Variants in ANKEF1 observed in about 807,000 individuals in gnomAD.
ANKEF1 encodes ankyrin repeat and EF-hand domain containing 1, also known as ankyrin repeat and EF-hand domain-containing protein 1.
Under a neutral mutation model 65.1 loss-of-function variants are expected in ANKEF1, and 43 were observed. The observed-to-expected ratio is 0.66, with a 90% CI of 0.52 to 0.85. The LOEUF (loss-of-function observed/expected upper bound fraction) is 0.85. Ranked by LOEUF, ANKEF1 falls within the 40% of genes least tolerant of loss-of-function variation. The probability of loss-of-function intolerance (pLI) is 0.00; values close to 1 mark genes in which losing one functional copy is unlikely to be tolerated. For synonymous variants in ANKEF1, 316 were observed against 341.5 expected, an observed-to-expected ratio of 0.93 and a Z score of 0.82; for missense variants, 934 against 952.9, an observed-to-expected ratio of 0.98 and a Z score of 0.26.
rs1985162696 is a variant in ANKEF1 at position 10,056,484 on chromosome 20, TAGATAGATAGATGATAGATAGATA to T, written c.*825_*848del. On this transcript the variant is annotated 3_prime_UTR_variant, in exon 11 of 11. Transcript: ENST00000378392. ...AGATGATAGATAGATAGATGATAGA[TAGATAGATAGATGATAGATAGATA>T]GATAGATAGATAGATAGATAGATAG... The T allele has an allele frequency of 4.4e-5, 6 of 135,106 alleles. No homozygotes were observed. Among genetic ancestry groups the T allele is most frequent in the African/African-American group, 1.7e-4 (6 of 35,756 alleles). The allele number at this position is 135,106 out of a possible 1,614,324, so 8.4% of individuals were successfully genotyped here. A position where few individuals can be genotyped will look rare whatever the true frequency, so the allele number is the denominator to read the frequency against.
At chr20:10,046,136 G>T (rs1442829820) in intron 6 of ANKEF1, among the ~76,000 whole-genome samples, 1 of 152,088 alleles carries the variant, frequency 6.6e-6, no homozygotes, top group Non-Finnish European at 1.5e-5. Context: ...TTAGCCAGGG[G>T]TGGTGACGGC....
chr20:10,044,632 T>TA (rs1424932244), intron 5 of ANKEF1, 89 bp downstream of exon 5: 30 of 1,272,382 alleles, frequency 2.4e-5, no homozygotes, highest in Non-Finnish European at 3.2e-5. Flanking sequence ...TAGAGTACGC[T>TA]AAGGCAGACA....
Position 10,045,654 on chromosome 20 carries a change from C to G in ANKEF1, c.777C>G (p.Ala259=). 6.2e-7 allele frequency: 1 copy of G among 1,613,824 alleles called. No homozygotes were observed. The highest frequency in any genetic ancestry group is 8.5e-7 in the Non-Finnish European group (1 of 1,179,838). ...GGAACACACCACTTCATTATGCTGC[C>G]ATGGGTGGTTTTGCAGACTGCTGTA... is the stretch of plus-strand genomic sequence containing the variant. ...INGNTPLHYA[A]MGGFADCCKY... Residue 259 remains alanine (A), a synonymous_variant, in exon 6 of 11, where the codon GCC becomes GCG. Transcript: ENST00000378392.
Position 10,055,657 on chromosome 20 carries a change from C to T in ANKEF1, c.2328C>T (p.Thr776=). The T allele has an allele frequency of 1.2e-6, 2 of 1,613,652 alleles. No homozygotes were observed. The highest frequency in any genetic ancestry group is 8.5e-7 in the Non-Finnish European group (1 of 1,179,718). Residue 776 remains threonine, a synonymous_variant, in exon 11 of 11, where the codon ACC becomes ACT. Coordinates refer to ENST00000378392, the MANE Select transcript of ANKEF1 (RefSeq NM_022096.6). ...KARALEAALK[T] is the part of the protein sequence containing the mutation. Reference sequence around the variant, plus strand: ...GAGCACTGGAAGCTGCCTTGAAGACCTAAGTCATAGCAGTTATTTCTTGGG... The same window carrying T: ...GAGCACTGGAAGCTGCCTTGAAGACTTAAGTCATAGCAGTTATTTCTTGGG...
rs780834065 is a variant in ANKEF1 at position 10,044,413 on chromosome 20, T to C, written c.566T>C (p.Leu189Ser). 3.1e-6 allele frequency: 5 copies of C among 1,614,088 alleles called. 1 individual carries two copies. Among genetic ancestry groups the C allele is most frequent in the South Asian group, 2.2e-5 (2 of 91,074 alleles). ...GTCCAGTCCACAGGCCGCACAGCTT[T>C]AATGGAAGCGTCAAGAGAAGGGGTA... ...AINSSTGRTA[L>S]MEASREGVVE... Residue 189 changes from leucine to serine, a missense_variant, in exon 5 of 11, where the codon TTA (leucine) becomes TCA (serine). Coordinates refer to ENST00000378392, the MANE Select transcript of ANKEF1 (RefSeq NM_022096.6).
Position 10,050,175 on chromosome 20 carries a change from G to A in ANKEF1, c.1606G>A (p.Gly536Arg), listed in dbSNP as rs764711759. 12 of 1,613,772 alleles carry A rather than the reference G, an allele frequency of 7.4e-6. No homozygotes were observed. The highest frequency in any genetic ancestry group is 1.0e-5 in the Non-Finnish European group (12 of 1,179,832). ...TCCGCTAATGACGGCGTGTGCAAGT[G>A]GAAACATAGATGTGGTCAAGTTTCT... ...KTPLMTACAS[G>R]NIDVVKFLLE... Residue 536 changes from glycine to arginine, a missense_variant, in exon 7 of 11, where the codon GGA (glycine) becomes AGA (arginine). Transcript: ENST00000378392.
At position 10,049,530 on chromosome 20, in the gene ANKEF1, C is replaced by T. The variant is rs370078042; in HGVS notation, c.961C>T (p.Pro321Ser). Residue 321 changes from proline to serine, a missense_variant, in exon 7 of 11, where the codon CCA (proline) becomes TCA (serine). By Grantham distance (74) the Pro-to-Ser change is moderately conservative (BLOSUM62 -1). Coordinates refer to ENST00000378392, the MANE Select transcript of ANKEF1 (RefSeq NM_022096.6). ...ACTAGCCAGGCCAGGAGCCAAAAAT[C>T]CAAATCCACTGTGGGCCCTTAGACT... ...NKLARPGAKN[P>S]NPLWALRLHD... The T allele has an allele frequency of 3.0e-4, 489 of 1,613,994 alleles. 1 individual carries two copies. Among genetic ancestry groups the T allele is most frequent in the Non-Finnish European group, 4.0e-4 (468 of 1,180,010 alleles).
chr20:10,045,586 C>G lies in ANKEF1; in HGVS notation c.709C>G (p.Leu237Val), dbSNP rs770719613. 2 of 1,613,576 alleles carry G rather than the reference C, an allele frequency of 1.2e-6. No homozygotes were observed. The highest frequency in any genetic ancestry group is 3.3e-5 in the Admixed American group (2 of 59,994). ...KGGFFDILKL[L>V]FAYNGDVGLI... ...ATTTATTTTACAGATATTGAAGCTT[C>G]TTTTTGCCTACAATGGAGACGTGGG... The change falls in exon 6 of 11, where the codon CTT becomes GTT. Residue 237 changes from leucine (L) to valine (V), a missense_variant. Transcript: ENST00000378392.
intron 8 of ANKEF1, among the ~76,000 whole-genome samples, chr20:10,052,824 G>A (rs534427884): frequency 6.6e-6 from 1 of 152,010 alleles, no homozygotes; most frequent in South Asian, 2.1e-4. Flanking sequence ...TGATATTTAA[G>A]ATGTAATATA....
At chr20:10,039,119 A>G (rs1190265288) in intron 3 of ANKEF1, among the ~76,000 whole-genome samples, 1 of 152,232 alleles carries the variant, frequency 6.6e-6, no homozygotes, top group African/African-American at 2.4e-5. Context: ...ACTAAAGTCA[A>G]TTCTGGCATA....
At chr20:10,053,329 T>A in intron 9 of ANKEF1, 54 bp downstream of exon 9, 2 of 1,518,652 alleles carry the variant, frequency 1.3e-6, no homozygotes, top group Non-Finnish European at 1.8e-6. Context: ...AAAAATCTGT[T>A]TGGGGGAAGG....
intron 10 of ANKEF1, 50 bp from the exon 11 acceptor site, chr20:10,055,452 C>T: frequency 1.3e-6 from 2 of 1,541,446 alleles, no homozygotes; most frequent in Non-Finnish European, 1.8e-6. Flanking sequence ...AGCATATTTA[C>T]TGGCTGTCAT....
At chr20:10,048,075 C>T (rs1984621337) in intron 6 of ANKEF1, among the ~76,000 whole-genome samples, 2 of 152,066 alleles carry the variant, frequency 1.3e-5, no homozygotes, top group South Asian at 4.1e-4. Context: ...TGGAATTGCA[C>T]TATGGAATTA....
chr20:10,050,996 T>C (rs10451728), intron 7 of ANKEF1, among the ~76,000 whole-genome samples: 8 of 152,354 alleles, frequency 5.3e-5, no homozygotes, highest in African/African-American at 1.4e-4. Flanking sequence ...TTTAATTCCT[T>C]CTTCTACCAT....
chr20:10,036,534 T>C (rs561314870), intron 2 of ANKEF1, among the ~76,000 whole-genome samples: 1 of 152,274 alleles, frequency 6.6e-6, no homozygotes, highest in South Asian at 2.1e-4. Context: ...CCACCGCATG[T>C]TATAAACAGA....
chr20:10,055,663 C>T lies in ANKEF1; in HGVS notation c.*3C>T, dbSNP rs1223438851. The T allele has an allele frequency of 6.2e-7, 1 of 1,613,438 alleles. No individual in the cohort carries two copies. The highest frequency in any genetic ancestry group is 8.5e-7 in the Non-Finnish European group (1 of 1,179,678). On this transcript the variant is annotated 3_prime_UTR_variant, in exon 11 of 11. Transcript: ENST00000378392. ...TGGAAGCTGCCTTGAAGACCTAAGT[C>T]ATAGCAGTTATTTCTTGGGGTAAAT... is the stretch of plus-strand genomic sequence containing the variant.
intron 9 of ANKEF1, 21 bp downstream of exon 9, chr20:10,053,296 C>T: frequency 6.4e-7 from 1 of 1,574,756 alleles, no homozygotes; most frequent in Non-Finnish European, 8.6e-7. Context: ...TGGTTGACTA[C>T]CCATTAGTAA....
intron 6 of ANKEF1, among the ~76,000 whole-genome samples, chr20:10,046,205 C>G (rs754585088): frequency 3.3e-5 from 5 of 152,090 alleles, no homozygotes; most frequent in African/African-American, 4.8e-5. Context: ...ACCTGGGAGG[C>G]AAAGGTTGCA....
At position 10,056,499 on chromosome 20, in the gene ANKEF1, TA is replaced by T. The variant is rs1349267149; in HGVS notation, c.*840del. 2.7e-5 allele frequency: 3 copies of T among 111,858 alleles called. No individual in the cohort carries two copies. Among genetic ancestry groups the T allele is most frequent in the South Asian group, 3.0e-4 (1 of 3,354 alleles). The allele number at this position is 111,858 out of a possible 1,614,324, so 6.9% of individuals were successfully genotyped here. ...AGATGATAGATAGATAGATAGATGA[TA>T]GATAGATAGATAGATAGATAGATAG... is the stretch of plus-strand genomic sequence containing the variant. On this transcript the variant is annotated 3_prime_UTR_variant, in exon 11 of 11. Transcript: ENST00000378392.
Sources: allele counts gnomAD v4.1 joint callset (sites outside exome capture counted in the v4.1 genomes callset), GRCh38; gene constraint gnomAD v4.1.1; transcripts MANE v1.5; gene names NCBI Gene and HGNC (gene_info 2026-07-23, HGNC 2026-07-21).